CCDC171: variants seen among roughly 807,000 people sequenced by gnomAD.
The protein encoded by CCDC171 is coiled-coil domain containing 171.
A neutral mutation model predicts 168.2 loss-of-function variants in CCDC171; 177 were observed. The observed-to-expected ratio is 1.05, with a 90% CI of 0.93 to 1.19. CCDC171 has a LOEUF of 1.19. Among genes scored for constraint, CCDC171 ranks in the 50% most tolerant of loss-of-function variants. The pLI is 0.00. For synonymous variants in CCDC171, 687 were observed against 540.8 expected (o/e 1.27, Z -3.75); for missense variants, 1,991 against 1,539.0 (o/e 1.29, Z -4.91).
rs2059786419 is a variant in CCDC171, at chr9:15,821,876, G to A, written c.3268-24826G>A. 3.9e-5 allele frequency among the ~76,000 whole-genome samples: 2 copies of A among 50,980 alleles called. 1 individual carries two copies. Among genetic ancestry groups the A allele is most frequent in the Non-Finnish European group, 9.7e-5 (2 of 20,576 alleles). The allele number at this position is 50,980 out of a possible 152,430, so 33.4% of individuals were successfully genotyped here. ...ACCAAAAAAGAGCCCGCATCGCCAA[G>A]TCAATCCTAAGCCAAAAGAACAAAG... is the stretch of plus-strand genomic sequence containing the variant. On this transcript the variant is annotated intron_variant, in intron 21 of 25. Coordinates refer to ENST00000380701, the MANE Select transcript of CCDC171 (RefSeq NM_173550.4).
intron 21 of CCDC171, among the ~76,000 whole-genome samples, chr9:15,821,698 G>A (rs1168905686): frequency 8.6e-6 from 1 of 116,938 alleles, no homozygotes; most frequent in Non-Finnish European, 1.9e-5. Context: ...TCAAACAAAT[G>A]GAAGAACATT....
At chr9:15,735,905 G>A (rs2054464181) in intron 16 of CCDC171, among the ~76,000 whole-genome samples, 1 of 152,204 alleles carries the variant, frequency 6.6e-6, no homozygotes. Context: ...TTTAGAAATT[G>A]TTTTTGTTAA....
chr9:15,723,176 A>ATTGTGCCTG (rs2053595010), intron 12 of CCDC171, among the ~76,000 whole-genome samples: 1 of 152,182 alleles, frequency 6.6e-6, no homozygotes. Context: ...GCGGTGCAGG[A>ATTGTGCCTG]CCAACTGATG....
At chr9:15,709,716 A>G (rs1279592577) in intron 11 of CCDC171, among the ~76,000 whole-genome samples, 1 of 152,204 alleles carries the variant, frequency 6.6e-6, no homozygotes, top group Non-Finnish European at 1.5e-5. Flanking sequence ...TAAGAGCAGA[A>G]ATATGTATAA....
At chr9:15,858,765 C>T (rs1467334604) in intron 23 of CCDC171, among the ~76,000 whole-genome samples, 2 of 151,900 alleles carry the variant, frequency 1.3e-5, no homozygotes, top group East Asian at 3.9e-4. Flanking sequence ...CTAGGATGTT[C>T]CATACGTAAG....
intron 21 of CCDC171, among the ~76,000 whole-genome samples, chr9:15,785,228 A>C (rs551731662): frequency 4.6e-5 from 7 of 152,160 alleles, no homozygotes; most frequent in Non-Finnish European, 1.0e-4. Context: ...TCACTGAGAA[A>C]ATTTCATTAA....
At chr9:16,100,418 G>A in the CCDC171 span, among the ~76,000 whole-genome samples, 1 of 152,122 alleles carries the variant, frequency 6.6e-6, no homozygotes, top group Non-Finnish European at 1.5e-5. Flanking sequence ...AAAGGGTGGG[G>A]GGTCTGGTGG....
intron 18 of CCDC171, among the ~76,000 whole-genome samples, chr9:15,746,966 C>T (rs911440427): frequency 6.6e-6 from 1 of 152,176 alleles, no homozygotes; most frequent in Non-Finnish European, 1.5e-5. Flanking sequence ...ACTGGCTCGG[C>T]GGGTCCCATG....
intron 6 of CCDC171, among the ~76,000 whole-genome samples, chr9:15,595,895 C>T (rs1300092872): frequency 6.6e-6 from 1 of 152,130 alleles, no homozygotes; most frequent in Non-Finnish European, 1.5e-5. Flanking sequence ...TCTCTGATGG[C>T]CAGTGATGAT....
At chr9:15,731,561 C>T (rs1261784125) in intron 16 of CCDC171, among the ~76,000 whole-genome samples, 3 of 152,060 alleles carry the variant, frequency 2.0e-5, no homozygotes, top group Admixed American at 6.6e-5. Context: ...TGGTCACTAG[C>T]GTTCCATTTT....
At chr9:15,618,863 T>C (rs373333738) in intron 6 of CCDC171, among the ~76,000 whole-genome samples, 1 of 151,788 alleles carries the variant, frequency 6.6e-6, no homozygotes. Flanking sequence ...CCCAGTGAGA[T>C]GAACTGTGTA....
intron 7 of CCDC171, 50 bp downstream of exon 7, chr9:15,623,463 A>ACGC: frequency 1.6e-6 from 1 of 633,912 alleles, no homozygotes; most frequent in South Asian, 1.9e-5. Flanking sequence ...ACTTTCACAT[A>ACGC]TGCGCGCGCG....
At chr9:16,022,086 G>A (rs982440927) in intron 4 of CCDC171, among the ~76,000 whole-genome samples, 1 of 152,192 alleles carries the variant, frequency 6.6e-6, no homozygotes, top group Non-Finnish European at 1.5e-5. Context: ...GGGACAAGTA[G>A]GCATATGAGT....
rs369705948 is a variant in CCDC171, at chr9:15,739,213, T to C, written c.2050-5060T>C. 2.6e-5 allele frequency among the ~76,000 whole-genome samples: 4 copies of C among 152,306 alleles called. No homozygotes were observed. In the East Asian group the frequency reaches 7.7e-4, roughly 29 times the overall value. On this transcript the variant is annotated intron_variant, in intron 16 of 25. Coordinates refer to ENST00000380701, the MANE Select transcript of CCDC171 (RefSeq NM_173550.4). ...AGAACCTGAAATGGGCTCTGAAGATTGTTAGTATTCAAATAGTGTTAGGGG... is the reference window on the plus strand; with the variant it reads ...AGAACCTGAAATGGGCTCTGAAGATCGTTAGTATTCAAATAGTGTTAGGGG...
At chr9:16,105,182 T>G in the CCDC171 span, among the ~76,000 whole-genome samples, 1 of 152,176 alleles carries the variant, frequency 6.6e-6, no homozygotes, top group African/African-American at 2.4e-5. Flanking sequence ...TAAATATATT[T>G]GGGCTATGTG....
chr9:16,000,778 C>G (rs1449364807), intron 3 of CCDC171, among the ~76,000 whole-genome samples: 3 of 151,836 alleles, frequency 2.0e-5, no homozygotes, highest in African/African-American at 7.3e-5. Context: ...GACAACTACT[C>G]TCTCTCAACA....
intron 16 of CCDC171, among the ~76,000 whole-genome samples, chr9:15,742,100 A>G (rs1386825573): frequency 6.6e-6 from 1 of 152,024 alleles, no homozygotes; most frequent in Non-Finnish European, 1.5e-5. Context: ...AATTGAACAG[A>G]TGAAATTGAT....
At chr9:15,745,763 TAGAG>T (rs779473781) in intron 18 of CCDC171, 132 bp downstream of exon 18, 56 of 506,122 alleles carry the variant, frequency 1.1e-4, no homozygotes, top group Middle Eastern at 7.7e-4. Context: ...TATTCAGTCA[TAGAG>T]AGATTGTTAA....
chr9:15,964,232 T>C (rs1375059227), intron 25 of CCDC171, among the ~76,000 whole-genome samples: 2 of 152,208 alleles, frequency 1.3e-5, no homozygotes, highest in African/African-American at 2.4e-5. Context: ...ATTTTCTAAT[T>C]ACATTATTTT....
Sources: gnomAD v4.1 joint callset for allele counts (sites outside exome capture counted in the v4.1 genomes callset) on GRCh38, gnomAD v4.1.1 for gene constraint, MANE v1.5 for transcripts, NCBI Gene and HGNC (gene_info 2026-07-23, HGNC 2026-07-21) for gene names.